The following TMEM245 variants were observed in gnomAD, a reference collection of about 807,000 sequenced individuals.
TMEM245 encodes the protein protein CG-2.
A neutral mutation model predicts 101.2 loss-of-function variants in TMEM245; 69 were observed. The observed-to-expected ratio is 0.68, with a 90% confidence interval of 0.56 to 0.83. The LOEUF (loss-of-function observed/expected upper bound fraction) is 0.83, where lower values mean the gene tolerates loss of function less well. TMEM245 is among the 40% of genes least tolerant of loss of function. TMEM245 has a pLI of 0.00. For synonymous variants in TMEM245, 537 were observed against 449.8 expected (o/e 1.19, Z -2.45); for missense variants, 1,075 against 1,092.8 (o/e 0.98, Z 0.23).
rs913390633 is a variant in TMEM245 at position 109,103,548 on chromosome 9, CA to C, written c.799+2959del. 4.0e-5 allele frequency among the ~76,000 whole-genome samples: 6 copies of C among 149,742 alleles called. No homozygotes were observed. In the South Asian group the frequency reaches 8.4e-4, roughly 21 times the overall value. ...TATACACAATGGAGTACTATTCCGC[CA>C]AAAAAAAAGAATGAGATCCTGTCAT... On this transcript the variant is annotated intron_variant, in intron 3 of 17. Coordinates refer to ENST00000374586, the MANE Select transcript of TMEM245 (RefSeq NM_032012.4).
At chr9:109,034,107 C>T (rs1327779600) in intron 16 of TMEM245, among the ~76,000 whole-genome samples, 1 of 152,170 alleles carries the variant, frequency 6.6e-6, no homozygotes, top group South Asian at 2.1e-4. Context: ...CTTATGTAAG[C>T]GGAATGAAAT....
At chr9:109,023,669 C>G (rs989839411) in intron 17 of TMEM245, among the ~76,000 whole-genome samples, 3 of 152,020 alleles carry the variant, frequency 2.0e-5, no homozygotes, top group Admixed American at 2.0e-4. Flanking sequence ...CCCGTCCCCA[C>G]TAAAAATACA....
At chr9:109,059,096 G>T (rs1173538464) in intron 11 of TMEM245, among the ~76,000 whole-genome samples, 2 of 152,078 alleles carry the variant, frequency 1.3e-5, no homozygotes, top group Admixed American at 1.3e-4. Context: ...GGTAATAAAA[G>T]CTATTTGTAA....
In TMEM245 at chr9:109,090,949, C is replaced by G; in HGVS notation, c.1123G>C (p.Val375Leu). ...VMQIWLNLWI[V>L]QLLPVPIAVW... ...GCAATCGGCACTGGCAGCAACTGCA[C>G]AATCCACAGGTTCAACCAGATCTGC... The change falls in exon 5 of 18, where the codon GTG (valine) becomes CTG (leucine). Residue 375 changes from valine to leucine, a missense_variant. Physicochemically the swap from Val to Leu is conservative, Grantham distance 32 (BLOSUM62 1). Transcript: ENST00000374586. 1 of 1,614,174 alleles carries G rather than the reference C, an allele frequency of 6.2e-7. No individual in the cohort carries two copies.
chr9:109,068,991 G>A (rs772598984), intron 9 of TMEM245, among the ~76,000 whole-genome samples: 1 of 152,278 alleles, frequency 6.6e-6, no homozygotes. Flanking sequence ...GAAATCTGAA[G>A]GTCAGTGTAT....
rs386415818 is a variant in TMEM245 at position 109,066,452 on chromosome 9, C to CAAAAAAAAAA, written c.1533-1895_1533-1886dup. Among the ~76,000 whole-genome samples, 79 of 52,470 alleles carry CAAAAAAAAAA rather than the reference C, an allele frequency of 1.5e-3. 2 individuals are homozygous for CAAAAAAAAAA. Among genetic ancestry groups the CAAAAAAAAAA allele is most frequent in the African/African-American group, 8.8e-3 (76 of 8,608 alleles). The allele number at this position is 52,470 out of a possible 152,430, so 34.4% of individuals were successfully genotyped here. On this transcript the variant is annotated intron_variant, in intron 9 of 17. Coordinates refer to ENST00000374586, the MANE Select transcript of TMEM245 (RefSeq NM_032012.4). The stretch of plus-strand genomic sequence containing the variant: ...CCTGGGCAAAAGAGCAAGACTGTCT[C>CAAAAAAAAAA]AAAAAAAAAAAAAAAAAAAAAAAAA...
intron 11 of TMEM245, among the ~76,000 whole-genome samples, chr9:109,057,705 T>G (rs1588040159): frequency 6.6e-6 from 1 of 151,964 alleles, no homozygotes; most frequent in South Asian, 2.1e-4. Context: ...GAGCCAAGAA[T>G]GTACCACGGC....
rs565995803 is a variant in TMEM245 at position 109,042,958 on chromosome 9, G to A, written c.2124-4841C>T. ...CCTCCCAGGCTCAAGTGATCCTCCC[G>A]CCTCAGCCTCCCAAGTAGCTGGGAC... On this transcript the variant is annotated intron_variant, in intron 14 of 17. Coordinates refer to ENST00000374586, the MANE Select transcript of TMEM245 (RefSeq NM_032012.4). 4.6e-4 allele frequency among the ~76,000 whole-genome samples: 68 copies of A among 146,994 alleles called. 1 individual carries two copies. The highest frequency in any genetic ancestry group is 3.6e-3 in the Middle Eastern group (1 of 274).
chr9:109,042,182 G>A (rs1290670297), intron 14 of TMEM245, among the ~76,000 whole-genome samples: 1 of 152,092 alleles, frequency 6.6e-6, no homozygotes, highest in Admixed American at 6.6e-5. Context: ...TATGCTACCT[G>A]CATGTGCACA....
chr9:109,099,541 T>C (rs1830229385), intron 3 of TMEM245, among the ~76,000 whole-genome samples: 1 of 152,202 alleles, frequency 6.6e-6, no homozygotes. Flanking sequence ...TCACTAACTT[T>C]TGAAGAAATT....
chr9:109,102,250 TATAAA>T (rs922656718), intron 3 of TMEM245, among the ~76,000 whole-genome samples: 8 of 152,112 alleles, frequency 5.3e-5, no homozygotes, highest in East Asian at 1.9e-4. Context: ...GACACCAAAA[TATAAA>T]ATAAAATAAA....
intron 12 of TMEM245, among the ~76,000 whole-genome samples, chr9:109,055,411 C>T (rs889689111): frequency 6.6e-6 from 1 of 152,168 alleles, no homozygotes; most frequent in African/African-American, 2.4e-5. Context: ...TTTAGTGTTG[C>T]ACTCTTAAAA....
At chr9:109,067,179 T>A (rs1416181849) in intron 9 of TMEM245, among the ~76,000 whole-genome samples, 2 of 152,084 alleles carry the variant, frequency 1.3e-5, no homozygotes, top group African/African-American at 4.8e-5. Context: ...ACTTTCCCAA[T>A]GTACTCACAC....
chr9:109,107,839 A>G lies in TMEM245; in HGVS notation c.697+614T>C, dbSNP rs13294092. The stretch of plus-strand genomic sequence containing the variant: ...ACATCTGAGCAGCCACCCAGCTAAC[A>G]TAACAGGGAACCCATTACTCTGAGC... On this transcript the variant is annotated intron_variant, in intron 2 of 17. Coordinates refer to ENST00000374586, the MANE Select transcript of TMEM245 (RefSeq NM_032012.4). Among the ~76,000 whole-genome samples, 3 of 152,344 alleles carry G rather than the reference A, an allele frequency of 2.0e-5. 1 individual carries two copies. The highest frequency in any genetic ancestry group is 7.2e-5 in the African/African-American group (3 of 41,576).
Position 109,018,551 on chromosome 9 carries a change from T to A in TMEM245, c.*1909A>T, listed in dbSNP as rs1057100031. On this transcript the variant is annotated 3_prime_UTR_variant, in exon 18 of 18. Transcript: ENST00000374586. Reference sequence around the variant, plus strand: ...AGATCTGTATGCAGTCTACTCCATATAGTCAAAAGATCTCATGGTAGCCTT... The same window carrying A: ...AGATCTGTATGCAGTCTACTCCATAAAGTCAAAAGATCTCATGGTAGCCTT... The A allele has an allele frequency of 6.6e-6, 1 of 152,220 alleles. No individual in the cohort carries two copies. Among genetic ancestry groups the A allele is most frequent in the South Asian group, 2.1e-4 (1 of 4,832 alleles). 9.4% of individuals were successfully genotyped at this position (152,220 alleles called of 1,614,324 possible).
chr9:109,092,505 A>G (rs1830034229), intron 4 of TMEM245, among the ~76,000 whole-genome samples: 1 of 152,236 alleles, frequency 6.6e-6, no homozygotes, highest in Non-Finnish European at 1.5e-5. Context: ...TATCTTTCTA[A>G]TTTGGAAACT....
chr9:109,042,142 A>G (rs1474056903), intron 14 of TMEM245, among the ~76,000 whole-genome samples: 3 of 152,146 alleles, frequency 2.0e-5, no homozygotes, highest in Non-Finnish European at 4.4e-5. Flanking sequence ...TAACCTTACA[A>G]TTTAAAATAA....
At chr9:109,045,064 T>C (rs905602604) in intron 14 of TMEM245, among the ~76,000 whole-genome samples, 1 of 152,190 alleles carries the variant, frequency 6.6e-6, no homozygotes, top group Non-Finnish European at 1.5e-5. Flanking sequence ...CTGGCCTCAT[T>C]TCTTTTGTTG....
intron 5 of TMEM245, among the ~76,000 whole-genome samples, chr9:109,088,892 G>A (rs1829919633): frequency 5.3e-5 from 1 of 18,840 alleles, no homozygotes; most frequent in Admixed American, 7.4e-4. Flanking sequence ...TTAACAGGAA[G>A]CATGGCATGG....
Sources: allele counts gnomAD v4.1 joint callset (sites outside exome capture counted in the v4.1 genomes callset), GRCh38; gene constraint gnomAD v4.1.1; transcripts MANE v1.5; gene names NCBI Gene and HGNC (gene_info 2026-07-23, HGNC 2026-07-21).